The following FRMPD3 variants were observed in gnomAD, a reference collection of about 807,000 sequenced individuals.
FRMPD3 encodes the protein FERM and PDZ domain containing 3, also known as FERM and PDZ domain-containing protein 3.
Under a neutral mutation model 97.9 loss-of-function variants are expected in FRMPD3, and 42 were observed. That is an observed-to-expected ratio of 0.43 (90% CI 0.34 to 0.55). FRMPD3 has a LOEUF of 0.55. FRMPD3 is among the 20% of genes least tolerant of loss of function. The pLI is 0.03. For missense variants in FRMPD3, 1,303 were observed against 1,457.7 expected, an observed-to-expected ratio of 0.89 and a Z score of 1.73; for synonymous variants, 577 against 581.1, an observed-to-expected ratio of 0.99 and a Z score of 0.10.
intron 2 of FRMPD3, 105 bp from the exon 3 acceptor site, chrX:107,530,304 G>C: frequency 1.8e-6 from 1 of 564,812 alleles, no homozygotes; most frequent in East Asian, 3.6e-5. Context: ...CCATCTCCAG[G>C]CCTCAGCACC....
intron 1 of FRMPD3, among the ~76,000 whole-genome samples, chrX:107,485,351 G>A (rs1921478269): frequency 8.9e-6 from 1 of 112,286 alleles, no homozygotes; most frequent in Admixed American, 9.4e-5. Context: ...CGGGAGAAGG[G>A]GTGGCTCTGG....
chrX:107,554,290 A>G, intron 7 of FRMPD3, 95 bp from the exon 8 acceptor site: 2 of 950,658 alleles, frequency 2.1e-6, no homozygotes, highest in Non-Finnish European at 2.9e-6. Flanking sequence ...CTCTGCCCCA[A>G]GCCCCACCTT....
intron 4 of FRMPD3, among the ~76,000 whole-genome samples, chrX:107,538,540 T>TA (rs55749241): frequency 0.21 from 13,700 of 63,764 alleles, 1,525 homozygotes; most frequent in Non-Finnish European, 0.27. Flanking sequence ...CTATATTTGT[T>TA]AAAAAAAAAA....
intron 1 of FRMPD3, among the ~76,000 whole-genome samples, chrX:107,501,699 G>A (rs1008560088): frequency 6.7e-5 from 7 of 105,061 alleles, no homozygotes; most frequent in African/African-American, 1.7e-4. Flanking sequence ...GTCTGTGTGC[G>A]TATGTACACT....
rs59276897 is a variant in FRMPD3, at chrX:107,557,797, CTATATATATATATA to C, written c.763-2429_763-2416del. 1.9e-3 allele frequency among the ~76,000 whole-genome samples: 56 copies of C among 30,024 alleles called. 1 individual carries two copies. The highest frequency in any genetic ancestry group is 0.071 in the Middle Eastern group (2 of 28). The allele number at this position is 30,024 out of a possible 115,157, so 26.1% of individuals were successfully genotyped here. ...TGTACTTTTGTTAAAAATCTGTTGTCTATATATATATATATATATATATATATATATATATATAT... is the reference window on the plus strand; with the variant it reads ...TGTACTTTTGTTAAAAATCTGTTGTCTATATATATATATATATATATATAT... On this transcript the variant is annotated intron_variant, in intron 8 of 14. Transcript: ENST00000683843.
At chrX:107,567,949 C>T (rs907405719) in intron 12 of FRMPD3, among the ~76,000 whole-genome samples, 3 of 110,847 alleles carry the variant, frequency 2.7e-5, no homozygotes, top group Non-Finnish European at 5.7e-5. Flanking sequence ...GTGAAATATG[C>T]AAAATCAGTA....
intron 12 of FRMPD3, among the ~76,000 whole-genome samples, chrX:107,569,621 C>T (rs1922785346): frequency 9.0e-6 from 1 of 111,082 alleles, no homozygotes; most frequent in Non-Finnish European, 1.9e-5. Context: ...CATCTCTCCC[C>T]ATCTCTTTGT....
chrX:107,597,939 C>T lies in FRMPD3; in HGVS notation c.2060C>T (p.Ala687Val). Reference sequence around the variant, plus strand: ...GATGAGGATGACCCCAAGCGCCGGGCTGTCCAGAGCCAGGAACAAGGACGC... The same window carrying T: ...GATGAGGATGACCCCAAGCGCCGGGTTGTCCAGAGCCAGGAACAAGGACGC... ...SSDEDDPKRR[A>V]VQSQEQGRHL... is the part of the protein sequence containing the mutation. The change falls in exon 14 of 15, where the codon GCT becomes GTT. Residue 687 changes from alanine to valine, a missense_variant. Coordinates refer to ENST00000683843, the MANE Select transcript of FRMPD3 (RefSeq NM_001388459.1). 8.3e-7 allele frequency: 1 copy of T among 1,210,851 alleles called. No individual in the cohort carries two copies.
At chrX:107,462,526 C>T (rs1038850982) in intron 1 of FRMPD3, among the ~76,000 whole-genome samples, 1 of 112,272 alleles carries the variant, frequency 8.9e-6, no homozygotes, top group Admixed American at 9.4e-5. Context: ...CTGTTACTTC[C>T]TCTTCCAGGT....
At chrX:107,498,461 A>C (rs1249894799) in intron 1 of FRMPD3, among the ~76,000 whole-genome samples, 1 of 111,911 alleles carries the variant, frequency 8.9e-6, no homozygotes, top group Non-Finnish European at 1.9e-5. Flanking sequence ...CAACGACTTG[A>C]AGAAAATCCT....
intron 1 of FRMPD3, among the ~76,000 whole-genome samples, chrX:107,481,221 A>G (rs1191691576): frequency 8.9e-6 from 1 of 112,268 alleles, no homozygotes; most frequent in Non-Finnish European, 1.9e-5. Flanking sequence ...GAGAAGGGGA[A>G]GATCTGCTCC....
At chrX:107,505,641 G>A (rs1221110942) in intron 1 of FRMPD3, among the ~76,000 whole-genome samples, 1 of 112,695 alleles carries the variant, frequency 8.9e-6, no homozygotes, top group Non-Finnish European at 1.9e-5. Flanking sequence ...AGAAATACGA[G>A]TTCTAAAAGT....
At chrX:107,558,724 C>A (rs1036485184) in intron 8 of FRMPD3, among the ~76,000 whole-genome samples, 2 of 111,830 alleles carry the variant, frequency 1.8e-5, no homozygotes, top group Non-Finnish European at 1.9e-5. Flanking sequence ...CGCTCTGTCA[C>A]CCAGGCTAGA....
At chrX:107,550,025 T>C in intron 5 of FRMPD3, 24 bp from the exon 6 acceptor site, 1 of 1,039,670 alleles carries the variant, frequency 9.6e-7, no homozygotes, top group Non-Finnish European at 1.3e-6. Flanking sequence ...CCGGTCTCCT[T>C]GTCCTTTCCC....
At chrX:107,589,269 G>A (rs1345848360) in intron 13 of FRMPD3, among the ~76,000 whole-genome samples, 3 of 110,902 alleles carry the variant, frequency 2.7e-5, no homozygotes, top group Non-Finnish European at 5.7e-5. Context: ...TTTGGTGGGA[G>A]CTTTTGTTGT....
chrX:107,540,320 G>T (rs1921232708), intron 4 of FRMPD3, among the ~76,000 whole-genome samples: 2 of 112,036 alleles, frequency 1.8e-5, no homozygotes, highest in African/African-American at 6.5e-5. Flanking sequence ...AGTGTAGCCA[G>T]AAGGGCAAAT....
chrX:107,579,258 G>A (rs929708168), intron 13 of FRMPD3, among the ~76,000 whole-genome samples: 7 of 111,913 alleles, frequency 6.3e-5, no homozygotes, highest in Non-Finnish European at 1.3e-4. Context: ...GTCCAACTCA[G>A]GGCTCAGCCT....
chrX:107,467,241 A>C (rs766836896), intron 1 of FRMPD3, among the ~76,000 whole-genome samples: 1 of 110,299 alleles, frequency 9.1e-6, no homozygotes, highest in African/African-American at 3.3e-5. Flanking sequence ...CTGTAGGAAG[A>C]TGGAGCAGAA....
intron 12 of FRMPD3, 64 bp from the exon 13 acceptor site, chrX:107,576,251 C>A: frequency 1.8e-6 from 2 of 1,140,978 alleles, no homozygotes; most frequent in Non-Finnish European, 2.4e-6. Flanking sequence ...GCTACCATGC[C>A]TCTGAAAATG....
Sources: allele counts gnomAD v4.1 joint callset (sites outside exome capture counted in the v4.1 genomes callset), GRCh38; gene constraint gnomAD v4.1.1; transcripts MANE v1.5; gene names NCBI Gene and HGNC (gene_info 2026-07-23, HGNC 2026-07-21).